The following TNS1 variants were observed in gnomAD, a reference collection of about 807,000 sequenced individuals.
The protein encoded by TNS1 is tensin-1.
In TNS1, 62 loss-of-function variants were observed where a neutral mutation model predicts 168.6. The ratio of observed to expected loss-of-function variants is 0.37; its 90% CI spans 0.30 to 0.45. TNS1 has a LOEUF of 0.45. Among genes scored for constraint, TNS1 ranks in the 20% least tolerant of loss-of-function variants. The pLI is 1.00. For synonymous variants in TNS1, 934 were observed against 933.2 expected (o/e 1.00, Z -0.02); for missense variants, 2,240 against 2,339.4 (o/e 0.96, Z 0.88).
chr2:217,950,547 G>A (rs75596991), intron 3 of TNS1, among the ~76,000 whole-genome samples: 10,785 of 151,118 alleles, frequency 0.071, 542 homozygotes, highest in African/African-American at 0.14. Context: ...GGCTGGTGGC[G>A]GAACACTTGG....
chr2:217,902,099 G>A (rs1953068346), intron 6 of TNS1: 1 of 152,214 alleles, frequency 6.6e-6, no homozygotes, highest in South Asian at 2.1e-4. Context: ...ATTAGACAGG[G>A]GTGGAGCTGG....
intron 18 of TNS1, among the ~76,000 whole-genome samples, chr2:217,858,155 T>A (rs1948378693): frequency 6.6e-6 from 1 of 152,000 alleles, no homozygotes; most frequent in Non-Finnish European, 1.5e-5. Flanking sequence ...CCAACCCCAT[T>A]CGCGCACAAG....
In TNS1 at chr2:217,893,475, A is replaced by G. The variant is rs757753900; in HGVS notation, c.681T>C (p.Asn227=). 4 of 1,612,682 alleles carry G rather than the reference A, an allele frequency of 2.5e-6. No homozygotes were observed. Among genetic ancestry groups the G allele is most frequent in the Non-Finnish European group, 3.4e-6 (4 of 1,179,124 alleles). ...SICKAMDTWL[N]ADPHNVVVLH... ...GAACAACGACATTGTGAGGGTCTGCATTGAGCCATGTGTCCATGGCCTTAC... is the reference window on the plus strand; with the variant it reads ...GAACAACGACATTGTGAGGGTCTGCGTTGAGCCATGTGTCCATGGCCTTAC... Residue 227 remains asparagine (N), a synonymous_variant, in exon 10 of 33, where the codon AAT becomes AAC. Transcript: ENST00000682258.
At chr2:217,902,629 A>G (rs1953143507) in intron 6 of TNS1, among the ~76,000 whole-genome samples, 1 of 152,176 alleles carries the variant, frequency 6.6e-6, no homozygotes, top group South Asian at 2.1e-4. Flanking sequence ...AAAAAAAGCC[A>G]GTGAAGATAA....
rs758255893 is a variant in TNS1, at chr2:217,817,760, G to A, written c.4572C>T (p.Ser1524=). The change falls in exon 24 of 33, where the codon TCC becomes TCT. Residue 1524 remains serine, a synonymous_variant. Coordinates refer to ENST00000682258, the MANE Select transcript of TNS1 (RefSeq NM_001387777.1). ...AGACGGTGCTGCCCCCACTGGGACT[G>A]GACATGCCGCTGGCGACAGGCGAAG... is the stretch of plus-strand genomic sequence containing the variant. ...KVSSPVASGM[S]SPSGGSTVSF... is the part of the protein sequence containing the mutation. 9.9e-6 allele frequency: 16 copies of A among 1,614,054 alleles called. No individual in the cohort carries two copies. The South Asian group carries it at 1.5e-4, about 16-fold the overall frequency.
intron 7 of TNS1, among the ~76,000 whole-genome samples, chr2:217,899,251 G>A (rs995010602): frequency 6.6e-6 from 1 of 152,148 alleles, no homozygotes; most frequent in African/African-American, 2.4e-5. Flanking sequence ...GTGGGACTGG[G>A]GACCAGCACC....
intron 18 of TNS1, among the ~76,000 whole-genome samples, chr2:217,858,004 C>A (rs1019931689): frequency 6.6e-6 from 1 of 152,104 alleles, no homozygotes; most frequent in Non-Finnish European, 1.5e-5. Flanking sequence ...CAGGAGAAAG[C>A]CGTGAATGGG....
intron 1 of TNS1, among the ~76,000 whole-genome samples, chr2:217,991,311 C>T (rs1958360535): frequency 1.3e-5 from 2 of 151,160 alleles, no homozygotes; most frequent in African/African-American, 4.9e-5. Flanking sequence ...ACCTGCAGCC[C>T]CCGCATGGCT....
At chr2:217,806,522 T>C (rs1939122985) in intron 32 of TNS1, among the ~76,000 whole-genome samples, 1 of 152,166 alleles carries the variant, frequency 6.6e-6, no homozygotes, top group Non-Finnish European at 1.5e-5. Flanking sequence ...CCAGTTCCCT[T>C]CTGTCCCTGA....
At chr2:217,882,646 A>C (rs771107464) in intron 16 of TNS1, among the ~76,000 whole-genome samples, 2 of 152,098 alleles carry the variant, frequency 1.3e-5, no homozygotes, top group Non-Finnish European at 2.9e-5. Context: ...CACTGATTCT[A>C]ACTATTTCTA....
chr2:217,911,800 A>G (rs542594309), intron 4 of TNS1, among the ~76,000 whole-genome samples: 142 of 152,344 alleles, frequency 9.3e-4, no homozygotes, highest in African/African-American at 3.2e-3. Context: ...ATCTCCAGGC[A>G]GTTCCTCTGA....
chr2:217,845,233 T>C (rs1946485068), intron 19 of TNS1, among the ~76,000 whole-genome samples: 1 of 152,200 alleles, frequency 6.6e-6, no homozygotes, highest in East Asian at 1.9e-4. Flanking sequence ...ATCAAGTTCA[T>C]GGCCATGAAG....
At chr2:217,937,369 C>T (rs1014783882) in intron 3 of TNS1, among the ~76,000 whole-genome samples, 1 of 152,150 alleles carries the variant, frequency 6.6e-6, no homozygotes, top group South Asian at 2.1e-4. Flanking sequence ...GGCACTGCCC[C>T]GGACCCAAGG....
intron 12 of TNS1, 173 bp downstream of exon 12, chr2:217,890,789 G>A (rs1013776699): frequency 2.6e-5 from 17 of 652,952 alleles, no homozygotes; most frequent in African/African-American, 1.3e-4. Flanking sequence ...GCTGGCTCCC[G>A]GGCTCTCCTG....
At chr2:217,961,280 G>GA (rs60120059) in intron 3 of TNS1, among the ~76,000 whole-genome samples, 1 of 151,452 alleles carries the variant, frequency 6.6e-6, no homozygotes, top group African/African-American at 2.4e-5. Flanking sequence ...GAGAGAGAGA[G>GA]GCTGAAGCTG....
Position 217,885,181 on chromosome 2 carries a change from G to A in TNS1, c.1117-17C>T, listed in dbSNP as rs774763483. ...GCACTTCAGCTGGGTGGGAAGACGG[G>A]CAGAACCAGTCAGGGGCCTGAGGCT... On this transcript the variant is annotated splice_polypyrimidine_tract_variant and intron_variant, in intron 15 of 32. Coordinates refer to ENST00000682258, the MANE Select transcript of TNS1 (RefSeq NM_001387777.1). 2.5e-6 allele frequency: 4 copies of A among 1,614,098 alleles called. No homozygotes were observed. Among genetic ancestry groups the A allele is most frequent in the East Asian group, 2.2e-5 (1 of 44,878 alleles).
chr2:217,989,688 C>T (rs868289188), intron 2 of TNS1, among the ~76,000 whole-genome samples: 1 of 152,070 alleles, frequency 6.6e-6, no homozygotes, highest in Non-Finnish European at 1.5e-5. Flanking sequence ...ACAGGTCCTC[C>T]GCTGAGTCTG....
chr2:217,974,188 A>G (rs1957836192), intron 3 of TNS1, among the ~76,000 whole-genome samples: 1 of 152,234 alleles, frequency 6.6e-6, no homozygotes, highest in South Asian at 2.1e-4. Flanking sequence ...GTTCTAGATC[A>G]TGATCTGGTT....
At position 217,812,846 on chromosome 2, in the gene TNS1, T is replaced by C. The variant is rs551513112; in HGVS notation, c.4954+369A>G. Among the ~76,000 whole-genome samples the C allele has an allele frequency of 2.6e-4, 40 of 152,192 alleles. 1 individual carries two copies. The South Asian group carries it at 7.7e-3, about 29-fold the overall frequency. ...GACTCTCGTTTTTTCATGTGTCAAT[T>C]CCTCCCTATTAGGGAGGATGACCCC... On this transcript the variant is annotated intron_variant, in intron 27 of 32. Transcript: ENST00000682258.
Sources: gnomAD v4.1 joint callset for allele counts (sites outside exome capture counted in the v4.1 genomes callset) on GRCh38, gnomAD v4.1.1 for gene constraint, MANE v1.5 for transcripts, NCBI Gene and HGNC (gene_info 2026-07-23, HGNC 2026-07-21) for gene names.